The following PLB1 variants were observed in gnomAD, a reference collection of about 807,000 sequenced individuals.
The protein encoded by PLB1 is phospholipase B1, membrane-associated.
PLB1 carries 242 observed loss-of-function variants against 227.4 expected under a neutral mutation model. That is an observed-to-expected ratio of 1.06 (90% CI 0.96 to 1.18). PLB1 has a LOEUF of 1.18. Ranked by LOEUF, PLB1 falls within the 50% of genes most tolerant of loss-of-function variation. The pLI is 0.00. For missense variants in PLB1, 1,858 were observed against 1,816.3 expected (o/e 1.02, Z -0.42); for synonymous variants, 757 against 682.2 (o/e 1.11, Z -1.71).
Position 28,553,104 on chromosome 2 carries a change from A to G in PLB1, c.1147+113A>G, listed in dbSNP as rs1674507099. 4 of 857,456 alleles carry G rather than the reference A, an allele frequency of 4.7e-6. No individual in the cohort carries two copies. The East Asian group carries it at 9.8e-5, about 21-fold the overall frequency. The allele number at this position is 857,456 out of a possible 1,614,324, so 53.1% of individuals were successfully genotyped here. On this transcript the variant is annotated intron_variant, in intron 17 of 57. Transcript: ENST00000327757. ...CCGAGTGGTTTCTCAGGGACAACAG[A>G]AATAACTCTGTATGTATATTTGTAA...
At position 28,620,928 on chromosome 2, in the gene PLB1, C is replaced by T. The variant is rs2148327399; in HGVS notation, c.3477C>T (p.Thr1159=). 6.2e-7 allele frequency: 1 copy of T among 1,613,946 alleles called. No homozygotes were observed. Among genetic ancestry groups the T allele is most frequent in the Non-Finnish European group, 8.5e-7 (1 of 1,179,926 alleles). The change falls in exon 49 of 58, where the codon ACC becomes ACT. Residue 1159 remains threonine (T), a synonymous_variant. Transcript: ENST00000327757. ...ACCTCCTTGGCTTCTCTACCAGCACCTGGGAGGGGACAGCAGGACTAAATG... is the reference window on the plus strand; with the variant it reads ...ACCTCCTTGGCTTCTCTACCAGCACTTGGGAGGGGACAGCAGGACTAAATG... ...NPYLLGFSTS[T]WEGTAGLNVA...
intron 10 of PLB1, 91 bp from the exon 11 acceptor site, chr2:28,539,008 A>T: frequency 9.9e-7 from 1 of 1,005,598 alleles, no homozygotes; most frequent in East Asian, 2.4e-5. Flanking sequence ...ACTCAACCAC[A>T]CCCCAACGGG....
chr2:28,547,034 C>G (rs996630901), intron 14 of PLB1, among the ~76,000 whole-genome samples: 1 of 151,882 alleles, frequency 6.6e-6, no homozygotes. Flanking sequence ...AACCCTGCCT[C>G]TACTACAATA....
chr2:28,632,297 G>A (rs1393586457), intron 55 of PLB1, among the ~76,000 whole-genome samples, 157 bp downstream of exon 55: 3 of 151,806 alleles, frequency 2.0e-5, no homozygotes, highest in Admixed American at 2.0e-4. Context: ...CTTTTTGTGG[G>A]GGCTGGGCTG....
At chr2:28,548,264 G>A (rs1649036131) in intron 14 of PLB1, among the ~76,000 whole-genome samples, 1 of 152,200 alleles carries the variant, frequency 6.6e-6, no homozygotes, top group South Asian at 2.1e-4. Context: ...GTGGACACAG[G>A]CTGCGGGGAG....
At position 28,537,746 on chromosome 2, in the gene PLB1, G is replaced by C. The variant is rs185043948; in HGVS notation, c.556-573G>C. ...ATTTTCATGACCTGCAGGAAGGGGAGTGGTGTGTGTGTTGGGTGCGTGGGA... is the reference window on the plus strand; with the variant it reads ...ATTTTCATGACCTGCAGGAAGGGGACTGGTGTGTGTGTTGGGTGCGTGGGA... On this transcript the variant is annotated intron_variant, in intron 9 of 57. Coordinates refer to ENST00000327757, the MANE Select transcript of PLB1 (RefSeq NM_153021.5). Among the ~76,000 whole-genome samples the C allele has an allele frequency of 1.4e-3, 212 of 150,658 alleles. 2 individuals carry two copies. In the East Asian group the frequency reaches 0.029, roughly 21 times the overall value.
At chr2:28,573,973 C>A (rs921585231) in intron 21 of PLB1, among the ~76,000 whole-genome samples, 2 of 152,196 alleles carry the variant, frequency 1.3e-5, no homozygotes, top group East Asian at 3.9e-4. Context: ...TCAGTGAGCA[C>A]GGCCATCACT....
In PLB1 at chr2:28,601,340, G is replaced by A; in HGVS notation, c.2607+8G>A. The A allele has an allele frequency of 4.3e-6, 7 of 1,612,708 alleles. No individual in the cohort carries two copies. Among genetic ancestry groups the A allele is most frequent in the South Asian group, 1.1e-5 (1 of 90,988 alleles). On this transcript the variant is annotated splice_region_variant and intron_variant, in intron 37 of 57. Coordinates refer to ENST00000327757, the MANE Select transcript of PLB1 (RefSeq NM_153021.5). ...GACTACTGCACAGATTCGGTAATTG[G>A]GGCCAGGTCCAGGCCTACTTGTTGT...
At position 28,591,747 on chromosome 2, in the gene PLB1, G is replaced by A. The variant is rs748990040; in HGVS notation, c.2175G>A (p.Leu725=). The change falls in exon 31 of 58, where the codon TTG becomes TTA. Residue 725 remains leucine, a synonymous_variant. Transcript: ENST00000327757. ...GCAGGGACAGAGCCCCTTCTGCCTT[G>A]CACCCTACCTCAGGTAAGCCCCCTA... ...LPCRDRAPSA[L]HPTSVHALRP... The A allele has an allele frequency of 6.2e-7, 1 of 1,613,850 alleles. No homozygotes were observed. Among genetic ancestry groups the A allele is most frequent in the South Asian group, 1.1e-5 (1 of 91,080 alleles).
chr2:28,597,670 T>C (rs534057600), intron 33 of PLB1, among the ~76,000 whole-genome samples: 103 of 152,342 alleles, frequency 6.8e-4, no homozygotes, highest in African/African-American at 2.4e-3. Flanking sequence ...AAAATGGACA[T>C]AGTCACATCT....
At chr2:28,507,651 G>T (rs991899299) in intron 1 of PLB1, among the ~76,000 whole-genome samples, 1 of 152,134 alleles carries the variant, frequency 6.6e-6, no homozygotes, top group Non-Finnish European at 1.5e-5. Context: ...GCAAAAGTAA[G>T]GCATCCCCTT....
At chr2:28,609,480 C>T (rs1685137141) in intron 43 of PLB1, among the ~76,000 whole-genome samples, 1 of 151,868 alleles carries the variant, frequency 6.6e-6, no homozygotes, top group Admixed American at 6.6e-5. Context: ...TGTATCATAC[C>T]CTATCTTTTC....
chr2:28,542,186 A>C (rs1029705743), intron 13 of PLB1, among the ~76,000 whole-genome samples: 4 of 151,198 alleles, frequency 2.6e-5, no homozygotes, highest in Non-Finnish European at 5.9e-5. Flanking sequence ...CCTGGGCCAT[A>C]CATCTGTTCC....
At chr2:28,603,202 C>G (rs1684172490) in intron 39 of PLB1, among the ~76,000 whole-genome samples, 1 of 152,122 alleles carries the variant, frequency 6.6e-6, no homozygotes, top group Non-Finnish European at 1.5e-5. Flanking sequence ...GACAGGATAG[C>G]CTAGACTGTG....
At chr2:28,575,986 A>C (rs1367826485) in intron 21 of PLB1, among the ~76,000 whole-genome samples, 1 of 152,218 alleles carries the variant, frequency 6.6e-6, no homozygotes, top group Non-Finnish European at 1.5e-5. Flanking sequence ...TGGTAGTATA[A>C]GAGGAAAGAC....
In PLB1 at chr2:28,585,828, A is replaced by C; in HGVS notation, c.1801A>C (p.Asn601His). 2 of 1,608,300 alleles carry C rather than the reference A, an allele frequency of 1.2e-6. No homozygotes were observed. Among genetic ancestry groups the C allele is most frequent in the Non-Finnish European group, 1.7e-6 (2 of 1,174,730 alleles). Reference sequence around the variant, plus strand: ...AGAACTTGCTACCCTCATCGAATTCAACAAGAAGTTTCAGGTAAGCCGGGA... The same window carrying C: ...AGAACTTGCTACCCTCATCGAATTCCACAAGAAGTTTCAGGTAAGCCGGGA... ...STELATLIEF[N>H]KKFQEKTHQL... The change falls in exon 26 of 58, where the codon AAC (asparagine) becomes CAC (histidine). Residue 601 changes from asparagine to histidine, a missense_variant. By Grantham distance (68) the Asn-to-His change is moderately conservative. Coordinates refer to ENST00000327757, the MANE Select transcript of PLB1 (RefSeq NM_153021.5).
At chr2:28,550,261 C>A (rs1272787101) in intron 16 of PLB1, among the ~76,000 whole-genome samples, 177 bp downstream of exon 16, 2 of 151,922 alleles carry the variant, frequency 1.3e-5, no homozygotes, top group Non-Finnish European at 1.5e-5. Flanking sequence ...CCACCTCCAC[C>A]TCCTGGGTTC....
At chr2:28,513,844 T>G (rs1250243791) in intron 1 of PLB1, among the ~76,000 whole-genome samples, 1 of 152,102 alleles carries the variant, frequency 6.6e-6, no homozygotes, top group African/African-American at 2.4e-5. Flanking sequence ...AATTCCGGAG[T>G]CAGCAGTAAA....
chr2:28,508,508 C>T (rs1667880740), intron 1 of PLB1, among the ~76,000 whole-genome samples: 1 of 152,210 alleles, frequency 6.6e-6, no homozygotes, highest in South Asian at 2.1e-4. Context: ...TCAGCACCCA[C>T]AGCTAGTCAC....
Sources: allele counts gnomAD v4.1 joint callset (sites outside exome capture counted in the v4.1 genomes callset), GRCh38; gene constraint gnomAD v4.1.1; transcripts MANE v1.5; gene names NCBI Gene and HGNC (gene_info 2026-07-23, HGNC 2026-07-21).